PI4KA: variants seen among roughly 807,000 people sequenced by gnomAD.
The protein encoded by PI4KA is phosphatidylinositol 4-kinase alpha, also known as PI4-kinase alpha.
In PI4KA, 122 loss-of-function variants were observed where a neutral mutation model predicts 271.4. That is an observed-to-expected ratio of 0.45 (90% confidence interval 0.39 to 0.52). The LOEUF (loss-of-function observed/expected upper bound fraction) is 0.52. PI4KA is among the 20% of genes least tolerant of loss of function. PI4KA has a pLI of 0.00. For synonymous variants in PI4KA, 1,041 were observed against 1,078.8 expected (o/e 0.96, Z 0.69); for missense variants, 1,969 against 2,769.1 (o/e 0.71, Z 6.48).
rs916253803 is a variant in PI4KA, at chr22:20,780,121, C to T, written c.2328+13072G>A. The stretch of plus-strand genomic sequence containing the variant: ...ACCAACAACCACATCATGAAGCTCA[C>T]CAAGGGCCTCATAAAAGATGCTCTG... On this transcript the variant is annotated intron_variant, in intron 19 of 54. Coordinates refer to ENST00000255882, the MANE Select transcript of PI4KA (RefSeq NM_058004.4). 31 of 1,614,200 alleles carry T rather than the reference C, an allele frequency of 1.9e-5. No individual in the cohort carries two copies. Among genetic ancestry groups the T allele is most frequent in the Non-Finnish European group, 2.5e-5 (30 of 1,180,034 alleles).
chr22:20,842,003 G>C (rs1194652897), intron 1 of PI4KA, among the ~76,000 whole-genome samples: 1 of 152,090 alleles, frequency 6.6e-6, no homozygotes, highest in African/African-American at 2.4e-5. Flanking sequence ...ATCACCTGAG[G>C]TTAGGAGTTC....
rs891243109 is a variant in PI4KA, at chr22:20,754,746, G to C, written c.2792-1566C>G. On this transcript the variant is annotated intron_variant, in intron 23 of 54. Transcript: ENST00000255882. ...GGGTGGATCACGAGGTCAGGAGTTC[G>C]AGACCAGCCTGGCCAACATGGTGAA... Among the ~76,000 whole-genome samples, 6 of 152,170 alleles carry C rather than the reference G, an allele frequency of 3.9e-5. No individual in the cohort carries two copies. In the East Asian group the frequency reaches 1.2e-3, roughly 29 times the overall value.
At chr22:20,844,117 A>C (rs1284067399) in intron 1 of PI4KA, among the ~76,000 whole-genome samples, 1 of 152,156 alleles carries the variant, frequency 6.6e-6, no homozygotes, top group African/African-American at 2.4e-5. Flanking sequence ...GCTCACATAG[A>C]ACTCTGTATT....
intron 19 of PI4KA, among the ~76,000 whole-genome samples, chr22:20,792,677 G>C (rs1340582844): frequency 1.3e-5 from 2 of 152,202 alleles, no homozygotes; most frequent in East Asian, 3.8e-4. Context: ...GACAGGACAG[G>C]ATGGAAACAG....
At chr22:20,768,623 G>A (rs1275198450) in intron 19 of PI4KA, among the ~76,000 whole-genome samples, 4 of 152,268 alleles carry the variant, frequency 2.6e-5, no homozygotes, top group African/African-American at 7.2e-5. Context: ...ACAATCAAAG[G>A]GAGGGTGCAG....
At chr22:20,857,170 G>A (rs1032038019) in intron 1 of PI4KA, among the ~76,000 whole-genome samples, 1 of 152,208 alleles carries the variant, frequency 6.6e-6, no homozygotes, top group African/African-American at 2.4e-5. Context: ...TTTGACAGAA[G>A]ATAGCAAAGT....
At chr22:20,751,543 C>A in intron 26 of PI4KA, 131 bp downstream of exon 26, 2 of 963,128 alleles carry the variant, frequency 2.1e-6, no homozygotes, top group Admixed American at 3.9e-5. Flanking sequence ...ACCCCCAACT[C>A]GACACCTGTA....
intron 1 of PI4KA, among the ~76,000 whole-genome samples, chr22:20,846,400 A>T (rs1427915889): frequency 6.6e-6 from 1 of 151,984 alleles, no homozygotes; most frequent in Non-Finnish European, 1.5e-5. Context: ...TTAAAAAAAA[A>T]TAATAAAGAA....
rs184297785 is a variant in PI4KA at position 20,824,345 on chromosome 22, T to C, written c.437A>G (p.Asp146Gly). The C allele has an allele frequency of 2.2e-5, 36 of 1,612,146 alleles. No individual in the cohort carries two copies. Among genetic ancestry groups the C allele is most frequent in the Non-Finnish European group, 1.7e-6 (2 of 1,178,356 alleles). The change falls in exon 4 of 55, where the codon GAT (aspartate) becomes GGT (glycine). Residue 146 changes from aspartate to glycine, a missense_variant. This residue lies in a region of PI4KA where 540 missense variants were observed against 555.5 expected (regional missense o/e 0.97). Transcript: ENST00000255882. ...VTLLSDVAYR[D>G]PSLRDEILEV... ...GCTTACCTCATCCCTAAGTGAAGGA[T>C]CCCTATAGGCCACATCAGACAGCAG...
At chr22:20,753,698 T>C (rs1042294307) in intron 23 of PI4KA, among the ~76,000 whole-genome samples, 1 of 152,170 alleles carries the variant, frequency 6.6e-6, no homozygotes, top group Non-Finnish European at 1.5e-5. Flanking sequence ...TTCTTTCTCT[T>C]TTTTTTGAGA....
At chr22:20,768,927 C>T (rs568890306) in intron 19 of PI4KA, among the ~76,000 whole-genome samples, 6 of 152,276 alleles carry the variant, frequency 3.9e-5, no homozygotes, top group South Asian at 4.1e-4. Context: ...AGTAAGAACA[C>T]GCAACTGTGG....
At chr22:20,841,791 G>C (rs894145375) in intron 1 of PI4KA, among the ~76,000 whole-genome samples, 1 of 152,176 alleles carries the variant, frequency 6.6e-6, no homozygotes, top group Non-Finnish European at 1.5e-5. Flanking sequence ...GTCATTAAAA[G>C]GAGAAGAGAG....
chr22:20,751,664 G>T lies in PI4KA; in HGVS notation c.3069+10C>A. On this transcript the variant is annotated intron_variant, in intron 26 of 54. Transcript: ENST00000255882. ...GGTGTTTGGGCCCTAGGTCTCCTGG[G>T]GACACTCACAGCGCTCAGTGACAGT... 1 of 1,610,666 alleles carries T rather than the reference G, an allele frequency of 6.2e-7. No homozygotes were observed. The highest frequency in any genetic ancestry group is 8.5e-7 in the Non-Finnish European group (1 of 1,176,836).
In PI4KA at chr22:20,751,326, C is replaced by A. The variant is rs118133093; in HGVS notation, c.3120G>T (p.Arg1040=). Reference sequence around the variant, plus strand: ...CTTCGTACGTGTCAGGAACCGTGATCCGGTAGGGGGCGTCGGGGATGTCAT... The same window carrying A: ...CTTCGTACGTGTCAGGAACCGTGATACGGTAGGGGGCGTCGGGGATGTCAT... ...PYYDIPDAPY[R]ITVPDTYEAR... The change falls in exon 27 of 55, where the codon CGG becomes CGT. Residue 1040 remains arginine (R), a synonymous_variant. Coordinates refer to ENST00000255882, the MANE Select transcript of PI4KA (RefSeq NM_058004.4). The A allele has an allele frequency of 1.2e-6, 2 of 1,614,090 alleles. No individual in the cohort carries two copies. Among genetic ancestry groups the A allele is most frequent in the Admixed American group, 3.3e-5 (2 of 60,024 alleles).
At chr22:20,746,758 TAG>T (rs1358028442) in intron 29 of PI4KA, among the ~76,000 whole-genome samples, 1 of 152,150 alleles carries the variant, frequency 6.6e-6, no homozygotes, top group Non-Finnish European at 1.5e-5. Flanking sequence ...CTGGTGTCTT[TAG>T]AGATAGTGCA....
At chr22:20,751,575 A>G (rs1256611958) in intron 26 of PI4KA, 99 bp downstream of exon 26, 2 of 1,110,938 alleles carry the variant, frequency 1.8e-6, no homozygotes, top group African/African-American at 3.1e-5. Context: ...GTTCAGGCTT[A>G]TTGTCAGAGA....
At chr22:20,797,602 G>T (rs1263012276) in intron 17 of PI4KA, among the ~76,000 whole-genome samples, 1 of 152,194 alleles carries the variant, frequency 6.6e-6, no homozygotes, top group Non-Finnish European at 1.5e-5. Context: ...CAATGAAGTA[G>T]TATCGATGCG....
At chr22:20,739,655 C>G (rs541037094) in intron 32 of PI4KA, among the ~76,000 whole-genome samples, 30 of 151,984 alleles carry the variant, frequency 2.0e-4, no homozygotes, top group African/African-American at 7.0e-4. Context: ...CAAGAACAGA[C>G]CAGATAACGA....
chr22:20,830,357 A>G (rs1223773208), intron 3 of PI4KA, among the ~76,000 whole-genome samples: 1 of 152,194 alleles, frequency 6.6e-6, no homozygotes, highest in South Asian at 2.1e-4. Flanking sequence ...TGTTGGATAT[A>G]GTCAAATCTT....
Sources: gnomAD v4.1 joint callset for allele counts (sites outside exome capture counted in the v4.1 genomes callset) on GRCh38, gnomAD v4.1.1 for gene constraint, gnomAD v4.1.1 regional missense constraint, MANE v1.5 for transcripts, NCBI Gene and HGNC (gene_info 2026-07-23, HGNC 2026-07-21) for gene names.